Variants in TMTC3 observed in about 807,000 individuals in gnomAD.
TMTC3 encodes the protein transmembrane O-mannosyltransferase targeting cadherins 3, also known as protein O-mannosyl-transferase TMTC3.
In TMTC3, 52 loss-of-function variants were observed where a neutral mutation model predicts 92.2. That is an observed-to-expected ratio of 0.56 (90% CI 0.45 to 0.71). TMTC3 has a LOEUF of 0.71. Among genes scored for constraint, TMTC3 ranks in the 30% least tolerant of loss-of-function variants. TMTC3 has a pLI of 0.00. For synonymous variants in TMTC3, 339 were observed against 363.3 expected, an observed-to-expected ratio of 0.93 and a Z score of 0.76; for missense variants, 896 against 1,057.1, an observed-to-expected ratio of 0.85 and a Z score of 2.11.
chr12:88,184,249 A>G (rs904559136), intron 10 of TMTC3, among the ~76,000 whole-genome samples: 2 of 152,126 alleles, frequency 1.3e-5, no homozygotes, highest in Admixed American at 6.6e-5. Flanking sequence ...AGCAAACACA[A>G]TTTGTGGGTA....
chr12:88,170,325 T>C (rs551416009), intron 7 of TMTC3, among the ~76,000 whole-genome samples: 139 of 152,332 alleles, frequency 9.1e-4, no homozygotes, highest in African/African-American at 3.3e-3. Flanking sequence ...GGGGCGGCCA[T>C]GAATTAATAG....
At chr12:88,144,542 T>C (rs1190419361) in intron 1 of TMTC3, among the ~76,000 whole-genome samples, 2 of 152,196 alleles carry the variant, frequency 1.3e-5, no homozygotes, top group Non-Finnish European at 2.9e-5. Flanking sequence ...TGGTCTCTAA[T>C]GGTAAATTTT....
chr12:88,146,609 G>T (rs1222694451), intron 1 of TMTC3, among the ~76,000 whole-genome samples: 2 of 145,270 alleles, frequency 1.4e-5, no homozygotes, highest in Admixed American at 1.4e-4. Flanking sequence ...GTGTGTGTGT[G>T]TGTATATATA....
rs781283500 is a variant in TMTC3 at position 88,194,829 on chromosome 12, A to G, written c.1934-9A>G. Reference sequence around the variant, plus strand: ...AACAATATATTTTTTCTTTAAAAAAACTTTCTAGGTGAGGTTAAACTCAGA... The same window carrying G: ...AACAATATATTTTTTCTTTAAAAAAGCTTTCTAGGTGAGGTTAAACTCAGA... On this transcript the variant is annotated splice_polypyrimidine_tract_variant and intron_variant, in intron 13 of 13. Coordinates refer to ENST00000266712, the MANE Select transcript of TMTC3 (RefSeq NM_181783.4). The G allele has an allele frequency of 1.3e-6, 2 of 1,493,168 alleles. No individual in the cohort carries two copies. Among genetic ancestry groups the G allele is most frequent in the Non-Finnish European group, 1.8e-6 (2 of 1,122,534 alleles). 92.5% of individuals were successfully genotyped at this position (1,493,168 alleles called of 1,614,324 possible).
chr12:88,179,752 C>A (rs1302330947), intron 10 of TMTC3, among the ~76,000 whole-genome samples: 1 of 152,026 alleles, frequency 6.6e-6, no homozygotes, highest in Non-Finnish European at 1.5e-5. Flanking sequence ...TTATTTAATA[C>A]AGATTTAATG....
At chr12:88,163,509 A>G (rs1004890941) in intron 6 of TMTC3, among the ~76,000 whole-genome samples, 3 of 152,210 alleles carry the variant, frequency 2.0e-5, no homozygotes, top group Non-Finnish European at 4.4e-5. Flanking sequence ...CTCACAGTTC[A>G]AGAGGCCAGA....
In TMTC3 at chr12:88,192,602, AGAG is replaced by A. The variant is rs772593291; in HGVS notation, c.1709_1711del (p.Gly570del). The A allele has an allele frequency of 1.9e-6, 3 of 1,593,090 alleles. No individual in the cohort carries two copies. The highest frequency in any genetic ancestry group is 1.1e-5 in the South Asian group (1 of 89,604). On this transcript the variant is annotated splice_acceptor_variant and coding_sequence_variant, in exon 13 of 14. Transcript: ENST00000266712. LOFTEE classifies it high-confidence loss of function. ...TAAAGCTTGTGTTTGATTTTTCCAC[AGAG>A]GAGAATTGCTTTTAAAAATGAATAA...
chr12:88,178,431 T>C (rs947720710), intron 10 of TMTC3, among the ~76,000 whole-genome samples: 3 of 152,194 alleles, frequency 2.0e-5, no homozygotes, highest in African/African-American at 7.2e-5. Context: ...TTGTAAAAAC[T>C]CTTCCTATCT....
intron 2 of TMTC3, among the ~76,000 whole-genome samples, chr12:88,149,605 T>C (rs1183206976): frequency 6.6e-6 from 1 of 152,144 alleles, no homozygotes; most frequent in Non-Finnish European, 1.5e-5. Context: ...ACATAGATAT[T>C]GAATAAATTG....
intron 6 of TMTC3, among the ~76,000 whole-genome samples, chr12:88,163,011 G>A (rs2041098353): frequency 6.6e-6 from 1 of 151,882 alleles, no homozygotes; most frequent in South Asian, 2.1e-4. Context: ...CACCTCCCAG[G>A]TTTAAACGAT....
chr12:88,155,039 G>T (rs1205028365), intron 4 of TMTC3, among the ~76,000 whole-genome samples: 3 of 152,200 alleles, frequency 2.0e-5, no homozygotes, highest in Non-Finnish European at 4.4e-5. Flanking sequence ...CTAGTTTTAT[G>T]TGTGGAAACT....
chr12:88,151,554 A>G (rs1170113890), intron 2 of TMTC3, among the ~76,000 whole-genome samples: 3 of 152,190 alleles, frequency 2.0e-5, no homozygotes, highest in Non-Finnish European at 4.4e-5. Context: ...AATCTGAAAT[A>G]GATCCCTAAT....
Position 88,198,141 on chromosome 12 carries a change from C to T in TMTC3, c.*2492C>T, listed in dbSNP as rs1362124604. The T allele has an allele frequency of 5.1e-6, 2 of 392,292 alleles. No homozygotes were observed. The highest frequency in any genetic ancestry group is 9.0e-6 in the Non-Finnish European group (2 of 222,224). The allele number at this position is 392,292 out of a possible 1,614,324, so 24.3% of individuals were successfully genotyped here. A position where few individuals can be genotyped will look rare whatever the true frequency, so the allele number is the denominator to read the frequency against. Reference sequence around the variant, plus strand: ...TAGCCCTTGTGTAAGATTATTATTTCTTCTCTATAACTTCAAAATAGATAT... The same window carrying T: ...TAGCCCTTGTGTAAGATTATTATTTTTTCTCTATAACTTCAAAATAGATAT... On this transcript the variant is annotated 3_prime_UTR_variant, in exon 14 of 14. Transcript: ENST00000266712.
intron 2 of TMTC3, among the ~76,000 whole-genome samples, chr12:88,149,165 A>G (rs1021394842): frequency 6.6e-6 from 1 of 152,172 alleles, no homozygotes; most frequent in Non-Finnish European, 1.5e-5. Context: ...CATAATAGTT[A>G]TTTAGGTTAT....
Position 88,198,734 on chromosome 12 carries a change from G to GAA in TMTC3, c.*3088_*3089dup, listed in dbSNP as rs1343939906. On this transcript the variant is annotated 3_prime_UTR_variant, in exon 14 of 14. Transcript: ENST00000266712. ...CAGAATGCTTTAAAGATGCTTTAATGAAAAGTATTAAGAAAATATATAGAT... is the reference window on the plus strand; with the variant it reads ...CAGAATGCTTTAAAGATGCTTTAATGAAAAAAGTATTAAGAAAATATATAGAT... 2 of 234,622 alleles carry GAA rather than the reference G, an allele frequency of 8.5e-6. No individual in the cohort carries two copies. The highest frequency in any genetic ancestry group is 1.6e-5 in the Non-Finnish European group (2 of 123,288). The allele number at this position is 234,622 out of a possible 1,614,324, so 14.5% of individuals were successfully genotyped here.
At chr12:88,173,152 A>G (rs144160637) in intron 8 of TMTC3, 4 of 1,124,058 alleles carry the variant, frequency 3.6e-6, no homozygotes, top group South Asian at 3.2e-5. Context: ...ATTTCTTGCT[A>G]TCATCACTAT....
chr12:88,169,937 GAA>G (rs11305978), intron 7 of TMTC3, among the ~76,000 whole-genome samples: 3,728 of 142,332 alleles, frequency 0.026, 152 homozygotes, highest in East Asian at 0.14. Flanking sequence ...GACCCTGTCA[GAA>G]AAAAAAAAAA....
chr12:88,192,018 T>C (rs1193543949), intron 12 of TMTC3, among the ~76,000 whole-genome samples: 9 of 142,640 alleles, frequency 6.3e-5, no homozygotes, highest in Non-Finnish European at 3.0e-5. Context: ...ATTTTTCTTT[T>C]TTTTTTTTTC....
chr12:88,151,999 T>G (rs2040948694), intron 2 of TMTC3, among the ~76,000 whole-genome samples: 2 of 152,190 alleles, frequency 1.3e-5, no homozygotes, highest in South Asian at 4.1e-4. Context: ...TTCCTAATGT[T>G]CCCTACTAAG....
Sources: gnomAD v4.1 joint callset for allele counts (sites outside exome capture counted in the v4.1 genomes callset) on GRCh38, gnomAD v4.1.1 for gene constraint, MANE v1.5 for transcripts, NCBI Gene and HGNC (gene_info 2026-07-23, HGNC 2026-07-21) for gene names.